KCND2: variants seen among roughly 807,000 people sequenced by gnomAD.
The protein encoded by KCND2 is potassium voltage-gated channel subfamily D member 2.
KCND2 carries 16 observed loss-of-function variants against 54.4 expected under a neutral mutation model. The ratio of observed to expected loss-of-function variants is 0.29; its 90% CI spans 0.20 to 0.45. The LOEUF is 0.45. Ranked by LOEUF, KCND2 falls within the 20% of genes least tolerant of loss-of-function variation. The probability of loss-of-function intolerance (pLI) is 1.00; values close to 1 mark genes in which losing one functional copy is unlikely to be tolerated. For synonymous variants in KCND2, 317 were observed against 310.7 expected (o/e 1.02, Z -0.21); for missense variants, 486 against 824.2 (o/e 0.59, Z 5.02).
intron 1 of KCND2, among the ~76,000 whole-genome samples, chr7:120,587,658 C>A (rs2116453067): frequency 6.6e-6 from 1 of 152,228 alleles, no homozygotes; most frequent in South Asian, 2.1e-4. Flanking sequence ...ACTCTGTTCT[C>A]TTCATATAAT....
At chr7:120,314,353 T>C (rs944234756) in intron 1 of KCND2, among the ~76,000 whole-genome samples, 38 of 151,706 alleles carry the variant, frequency 2.5e-4, no homozygotes, top group Non-Finnish European at 4.4e-4. Context: ...AAAAATGCAT[T>C]TTTTTGGTTA....
intron 1 of KCND2, among the ~76,000 whole-genome samples, chr7:120,416,247 C>T (rs1280094807): frequency 6.6e-6 from 1 of 152,120 alleles, no homozygotes; most frequent in Non-Finnish European, 1.5e-5. Flanking sequence ...CTTCGTTCTC[C>T]AGCTACATTG....
chr7:120,532,447 T>A (rs1340218035), intron 1 of KCND2, among the ~76,000 whole-genome samples: 3 of 151,894 alleles, frequency 2.0e-5, no homozygotes, highest in Non-Finnish European at 4.4e-5. Flanking sequence ...ACATGAAAGT[T>A]GTTATAATAC....
intron 1 of KCND2, among the ~76,000 whole-genome samples, chr7:120,619,653 G>A (rs1435891812): frequency 6.6e-6 from 1 of 152,118 alleles, no homozygotes; most frequent in Non-Finnish European, 1.5e-5. Context: ...CAACCACTGA[G>A]GTAATGAATA....
At chr7:120,512,468 C>T (rs977800687) in intron 1 of KCND2, among the ~76,000 whole-genome samples, 1 of 151,534 alleles carries the variant, frequency 6.6e-6, no homozygotes, top group African/African-American at 2.4e-5. Context: ...ATCACATCAA[C>T]TTCTCCTAAC....
At chr7:120,676,574 A>T (rs1204960960) in intron 1 of KCND2, among the ~76,000 whole-genome samples, 2 of 152,192 alleles carry the variant, frequency 1.3e-5, no homozygotes, top group African/African-American at 4.8e-5. Flanking sequence ...TAGTTATTGT[A>T]TATTGGCCAC....
At chr7:120,677,570 TAG>T (rs1562906511) in intron 1 of KCND2, among the ~76,000 whole-genome samples, 41 of 147,084 alleles carry the variant, frequency 2.8e-4, no homozygotes, top group African/African-American at 8.8e-4. Flanking sequence ...TATAGATATA[TAG>T]ATATATAGAT....
intron 1 of KCND2, among the ~76,000 whole-genome samples, chr7:120,467,297 A>G (rs1584791044): frequency 6.6e-6 from 1 of 152,250 alleles, no homozygotes; most frequent in Admixed American, 6.5e-5. Flanking sequence ...TGATATATGG[A>G]ATAAAAGAGA....
chr7:120,297,419 T>A (rs1799528248), intron 1 of KCND2, among the ~76,000 whole-genome samples: 1 of 152,128 alleles, frequency 6.6e-6, no homozygotes, highest in African/African-American at 2.4e-5. Flanking sequence ...TAGTATTTCA[T>A]TGTGTACCTA....
intron 1 of KCND2, among the ~76,000 whole-genome samples, chr7:120,714,298 T>C (rs1172816607): frequency 1.4e-5 from 2 of 146,326 alleles, no homozygotes; most frequent in African/African-American, 2.6e-5. Flanking sequence ...TTTCTTTAGA[T>C]AAGTAAGTTT....
intron 1 of KCND2, among the ~76,000 whole-genome samples, chr7:120,574,616 A>C (rs1481073859): frequency 6.6e-6 from 1 of 152,186 alleles, no homozygotes; most frequent in Non-Finnish European, 1.5e-5. Flanking sequence ...TTAAAAAAAA[A>C]TACCAGTGTC....
intron 1 of KCND2, among the ~76,000 whole-genome samples, chr7:120,302,477 C>T (rs1799600958): frequency 6.6e-6 from 1 of 152,010 alleles, no homozygotes; most frequent in African/African-American, 2.4e-5. Context: ...TGCCATGTTG[C>T]CCACACTAGC....
rs546134401 is a variant in KCND2, at chr7:120,477,310, A to C, written c.1115+201563A>C. Among the ~76,000 whole-genome samples the C allele has an allele frequency of 7.2e-5, 11 of 152,266 alleles. No homozygotes were observed. In the South Asian group the frequency reaches 2.1e-3, roughly 29 times the overall value. Reference sequence around the variant, plus strand: ...TGCGTGATAAAAATATGTCAAATGTAGCTTCCTCAGTCGTCACAAACATAC... The same window carrying C: ...TGCGTGATAAAAATATGTCAAATGTCGCTTCCTCAGTCGTCACAAACATAC... On this transcript the variant is annotated intron_variant, in intron 1 of 5. Coordinates refer to ENST00000331113, the MANE Select transcript of KCND2 (RefSeq NM_012281.3).
chr7:120,488,066 G>A (rs1461732079), intron 1 of KCND2, among the ~76,000 whole-genome samples: 1 of 152,026 alleles, frequency 6.6e-6, no homozygotes, highest in African/African-American at 2.4e-5. Context: ...ATGGTGGCAG[G>A]TGCTTGTAGT....
intron 1 of KCND2, among the ~76,000 whole-genome samples, chr7:120,575,602 A>G (rs879268424): frequency 6.6e-6 from 1 of 152,230 alleles, no homozygotes; most frequent in Admixed American, 6.5e-5. Flanking sequence ...GTTGACAGTC[A>G]GTATTAACTA....
At chr7:120,437,204 C>CTTTTTTTT (rs66518858) in intron 1 of KCND2, among the ~76,000 whole-genome samples, 10,726 of 129,642 alleles carry the variant, frequency 0.083, 613 homozygotes, top group Non-Finnish European at 0.093. Flanking sequence ...CAATATACAA[C>CTTTTTTTT]TTTTTTTTTT....
intron 1 of KCND2, among the ~76,000 whole-genome samples, chr7:120,387,351 G>A (rs746077746): frequency 3.9e-5 from 6 of 151,978 alleles, no homozygotes; most frequent in Admixed American, 2.0e-4. Flanking sequence ...AGGTAAAGAC[G>A]ATGGCTTGAA....
chr7:120,338,220 C>G (rs896371490), intron 1 of KCND2, among the ~76,000 whole-genome samples: 2 of 152,062 alleles, frequency 1.3e-5, no homozygotes, highest in Non-Finnish European at 2.9e-5. Context: ...TTCAAAACAA[C>G]TAAAATATGA....
At chr7:120,591,352 A>G (rs1171171492) in intron 1 of KCND2, among the ~76,000 whole-genome samples, 2 of 152,230 alleles carry the variant, frequency 1.3e-5, no homozygotes, top group Non-Finnish European at 2.9e-5. Flanking sequence ...AAGAGGCAAT[A>G]TGATTTCATA....
Sources: gnomAD v4.1 joint callset for allele counts (sites outside exome capture counted in the v4.1 genomes callset) on GRCh38, gnomAD v4.1.1 for gene constraint, MANE v1.5 for transcripts, NCBI Gene and HGNC (gene_info 2026-07-23, HGNC 2026-07-21) for gene names.